The following DBT variants were observed in gnomAD, a reference collection of about 807,000 sequenced individuals.
DBT encodes the protein dihydrolipoamide branched chain transacylase E2.
Under a neutral mutation model 51.3 loss-of-function variants are expected in DBT, and 40 were observed. The observed-to-expected ratio is 0.78, with a 90% CI of 0.61 to 1.02. The LOEUF is 1.02. Among genes scored for constraint, DBT ranks in the 50% least tolerant of loss-of-function variants. DBT has a pLI of 0.00. For synonymous variants in DBT, 181 were observed against 190.4 expected (o/e 0.95, Z 0.41); for missense variants, 510 against 580.2 (o/e 0.88, Z 1.24).
At chr1:100,229,172 T>C (rs1015020014) in intron 4 of DBT, among the ~76,000 whole-genome samples, 3 of 152,086 alleles carry the variant, frequency 2.0e-5, no homozygotes, top group Non-Finnish European at 4.4e-5. Flanking sequence ...TTTCTTTTTT[T>C]TCCTTTTTTT....
chr1:100,230,679 A>G, intron 4 of DBT, 54 bp downstream of exon 4: 2 of 1,216,036 alleles, frequency 1.6e-6, no homozygotes, highest in Non-Finnish European at 2.4e-6. Context: ...GGACCCAATG[A>G]CAAAAAGAGA....
intron 4 of DBT, 113 bp from the exon 5 acceptor site, chr1:100,218,860 A>G: frequency 2.6e-6 from 2 of 775,996 alleles, no homozygotes; most frequent in South Asian, 3.2e-5. Flanking sequence ...ATTAAAGTTT[A>G]TAGTCTAAAT....
At position 100,194,222 on chromosome 1, in the gene DBT, T is replaced by C. The variant is rs940169038; in HGVS notation, c.*2033A>G. The C allele has an allele frequency of 6.6e-6, 1 of 152,184 alleles. No individual in the cohort carries two copies. The highest frequency in any genetic ancestry group is 1.5e-5 in the Non-Finnish European group (1 of 68,026). The allele number at this position is 152,184 out of a possible 1,614,324, so 9.4% of individuals were successfully genotyped here. A position where few individuals can be genotyped will look rare whatever the true frequency, so the allele number is the denominator to read the frequency against. ...TCACTCTGTCACCCATACTGGAGGA[T>C]AGTGGCACAATGACAGCTCACTACA... On this transcript the variant is annotated 3_prime_UTR_variant, in exon 11 of 11. Coordinates refer to ENST00000370132, the MANE Select transcript of DBT (RefSeq NM_001918.5).
intron 4 of DBT, among the ~76,000 whole-genome samples, chr1:100,223,015 G>A (rs947018527): frequency 8.5e-5 from 13 of 152,126 alleles, no homozygotes; most frequent in African/African-American, 3.1e-4. Context: ...AAGTTAGGAA[G>A]GTGGGTGATG....
In DBT at chr1:100,226,371, C is replaced by T. The variant is rs543521635; in HGVS notation, c.433+4362G>A. 1.4e-4 allele frequency among the ~76,000 whole-genome samples: 21 copies of T among 148,644 alleles called. 1 individual carries two copies. The highest frequency in any genetic ancestry group is 1.3e-3 in the South Asian group (6 of 4,736). ...TTAACACAGCTCACTGCAGCCTCTA[C>T]CTCCTGGGCTCAAGTGATCCTCTCA... is the stretch of plus-strand genomic sequence containing the variant. On this transcript the variant is annotated intron_variant, in intron 4 of 10. Coordinates refer to ENST00000370132, the MANE Select transcript of DBT (RefSeq NM_001918.5).
At chr1:100,223,890 A>G (rs1294838123) in intron 4 of DBT, among the ~76,000 whole-genome samples, 1 of 152,160 alleles carries the variant, frequency 6.6e-6, no homozygotes, top group Non-Finnish European at 1.5e-5. Flanking sequence ...TTTTAATAGT[A>G]TATGCCTTTT....
At chr1:100,220,484 C>T (rs1049983725) in intron 4 of DBT, among the ~76,000 whole-genome samples, 3 of 152,156 alleles carry the variant, frequency 2.0e-5, no homozygotes, top group Non-Finnish European at 4.4e-5. Context: ...ATAAGATAGT[C>T]TATTCATTCC....
At chr1:100,215,177 C>T (rs1662407812) in intron 6 of DBT, among the ~76,000 whole-genome samples, 194 bp from the exon 7 acceptor site, 1 of 152,108 alleles carries the variant, frequency 6.6e-6, no homozygotes, top group Admixed American at 6.5e-5. Flanking sequence ...CTGACTGCAT[C>T]ATGACACTCA....
At chr1:100,209,543 GTCTTT>G (rs972996762) in intron 8 of DBT, among the ~76,000 whole-genome samples, 1 of 151,944 alleles carries the variant, frequency 6.6e-6, no homozygotes, top group Non-Finnish European at 1.5e-5. Flanking sequence ...GGTTGTACAT[GTCTTT>G]TCTTTTTTTT....
Position 100,190,360 on chromosome 1 carries a change from AACCCATAT to A in DBT, c.*5887_*5894del, listed in dbSNP as rs1260065271. 1 of 152,254 alleles carries A rather than the reference AACCCATAT, an allele frequency of 6.6e-6. No individual in the cohort carries two copies. Among genetic ancestry groups the A allele is most frequent in the East Asian group, 1.9e-4 (1 of 5,202 alleles). The allele number at this position is 152,254 out of a possible 1,614,324, so 9.4% of individuals were successfully genotyped here. A position where few individuals can be genotyped will look rare whatever the true frequency, so the allele number is the denominator to read the frequency against. On this transcript the variant is annotated 3_prime_UTR_variant, in exon 11 of 11. Coordinates refer to ENST00000370132, the MANE Select transcript of DBT (RefSeq NM_001918.5). ...GTCTGGAAATGGCCTACATTACTTCAACCCATATACCCATATTCTAATAGTTACAAATA... is the reference window on the plus strand; with the variant it reads ...GTCTGGAAATGGCCTACATTACTTCAACCCATATTCTAATAGTTACAAATA...
chr1:100,249,034 T>C, intron 1 of DBT: 8 of 899,586 alleles, frequency 8.9e-6, no homozygotes, highest in Non-Finnish European at 1.1e-5. Flanking sequence ...CACTGGTACA[T>C]AGCAGGCTCT....
At position 100,191,838 on chromosome 1, in the gene DBT, G is replaced by A. The variant is rs966160625; in HGVS notation, c.*4417C>T. ...CTTGCTCTGTCGCCCAGGCTGGAGC[G>A]CAATGGCACAATCTCAGCTCACGGC... On this transcript the variant is annotated 3_prime_UTR_variant, in exon 11 of 11. Coordinates refer to ENST00000370132, the MANE Select transcript of DBT (RefSeq NM_001918.5). 6 of 151,686 alleles carry A rather than the reference G, an allele frequency of 4.0e-5. No individual in the cohort carries two copies. Among genetic ancestry groups the A allele is most frequent in the South Asian group, 4.2e-4 (2 of 4,800 alleles). The allele number at this position is 151,686 out of a possible 1,614,324, so 9.4% of individuals were successfully genotyped here.
intron 1 of DBT, among the ~76,000 whole-genome samples, chr1:100,241,549 C>A (rs1016784574): frequency 1.3e-5 from 2 of 151,878 alleles, no homozygotes; most frequent in African/African-American, 4.8e-5. Flanking sequence ...GCGCATGCTA[C>A]CCCACCCAAT....
At chr1:100,207,133 A>G (rs772949732) in intron 8 of DBT, among the ~76,000 whole-genome samples, 1 of 152,212 alleles carries the variant, frequency 6.6e-6, no homozygotes, top group Admixed American at 6.5e-5. Context: ...CTATTTCCCA[A>G]CATCGTTAGT....
rs779996834 is a variant in DBT, at chr1:100,240,886, T to C, written c.52-2A>G. On this transcript the variant is annotated splice_acceptor_variant, in intron 1 of 10. Coordinates refer to ENST00000370132, the MANE Select transcript of DBT (RefSeq NM_001918.5). LOFTEE classifies it high-confidence loss of function. ...TGTTTGAAAATAGCGAACACAAATCTACAGATGAGAAAACAAAAAGTAAAA... is the reference window on the plus strand; with the variant it reads ...TGTTTGAAAATAGCGAACACAAATCCACAGATGAGAAAACAAAAAGTAAAA... 6.2e-7 allele frequency: 1 copy of C among 1,613,210 alleles called. No individual in the cohort carries two copies. The highest frequency in any genetic ancestry group is 1.1e-5 in the South Asian group (1 of 90,982).
At chr1:100,234,032 CTTTGAA>C (rs1663710760) in intron 3 of DBT, among the ~76,000 whole-genome samples, 1 of 152,066 alleles carries the variant, frequency 6.6e-6, no homozygotes, top group Non-Finnish European at 1.5e-5. Flanking sequence ...TAGCACAGGT[CTTTGAA>C]TAAATTTTGC....
At chr1:100,213,654 G>A in intron 7 of DBT, 1 of 1,610,892 alleles carries the variant, frequency 6.2e-7, no homozygotes, top group Non-Finnish European at 8.5e-7. Flanking sequence ...CCCAACTGTG[G>A]AGCCACCTTC....
intron 5 of DBT, 51 bp downstream of exon 5, chr1:100,218,575 C>G (rs1199244017): frequency 6.2e-7 from 1 of 1,605,090 alleles, no homozygotes. Context: ...TTCAGAGATA[C>G]AAATGTACAC....
At chr1:100,220,205 C>T (rs1487393877) in intron 4 of DBT, among the ~76,000 whole-genome samples, 1 of 152,002 alleles carries the variant, frequency 6.6e-6, no homozygotes, top group Non-Finnish European at 1.5e-5. Context: ...TTGTTTTATT[C>T]TCTAGTTCTG....
Sources: allele counts gnomAD v4.1 joint callset (sites outside exome capture counted in the v4.1 genomes callset), GRCh38; gene constraint gnomAD v4.1.1; transcripts MANE v1.5; gene names NCBI Gene and HGNC (gene_info 2026-07-23, HGNC 2026-07-21).